The following NCAPD3 variants were observed in gnomAD, a reference collection of about 807,000 sequenced individuals.
NCAPD3 encodes the protein non-SMC condensin II complex subunit D3.
NCAPD3 carries 105 observed loss-of-function variants against 182.9 expected under a neutral mutation model. The observed-to-expected ratio is 0.57, with a 90% CI of 0.49 to 0.68. NCAPD3 has a LOEUF of 0.68. Among genes scored for constraint, NCAPD3 ranks in the 30% least tolerant of loss-of-function variants. The pLI is 0.00. For missense variants in NCAPD3, 1,944 were observed against 1,837.0 expected (o/e 1.06, Z -1.07); for synonymous variants, 815 against 679.9 (o/e 1.20, Z -3.09).
chr11:134,158,818 C>T (rs1943501656), intron 29 of NCAPD3, among the ~76,000 whole-genome samples: 4 of 152,262 alleles, frequency 2.6e-5, no homozygotes, highest in South Asian at 2.1e-4. Context: ...TCTCTTCATC[C>T]CCCTTCTCCC....
intron 29 of NCAPD3, among the ~76,000 whole-genome samples, chr11:134,159,313 C>T (rs530496250): frequency 1.3e-5 from 2 of 152,292 alleles, no homozygotes; most frequent in Admixed American, 6.5e-5. Flanking sequence ...CATTTTAACA[C>T]TTTATTGGAA....
chr11:134,183,224 T>C (rs541249971), intron 19 of NCAPD3: 2 of 453,340 alleles, frequency 4.4e-6, no homozygotes, highest in Admixed American at 2.4e-5. Flanking sequence ...TAGTAAGTTG[T>C]GTACCACTGA....
chr11:134,208,029 T>C (rs554621310), intron 7 of NCAPD3, among the ~76,000 whole-genome samples: 7 of 152,286 alleles, frequency 4.6e-5, no homozygotes, highest in Non-Finnish European at 8.8e-5. Context: ...CTTTGGTCCT[T>C]TTTGTCCATA....
rs370416114 is a variant in NCAPD3, at chr11:134,157,033, T to C, written c.4237A>G (p.Ile1413Val). The C allele has an allele frequency of 1.2e-5, 20 of 1,613,302 alleles. No individual in the cohort carries two copies. The Admixed American group carries it at 1.3e-4, about 11-fold the overall frequency. ...AGTTACTCACTCTCGGGGGTGCTGA[T>C]GGCCCGCTTGGTCACGTGCTCAATC... ...GEIEHVTKRA[I>V]STPEKSISDV... The change falls in exon 32 of 35, where the codon ATC (isoleucine) becomes GTC (valine). Residue 1413 changes from isoleucine to valine, a missense_variant. Transcript: ENST00000534548.
chr11:134,171,477 G>A (rs1591832981), intron 24 of NCAPD3, among the ~76,000 whole-genome samples: 1 of 152,298 alleles, frequency 6.6e-6, no homozygotes. Context: ...GAAACAGGGT[G>A]TCTGCTCAAT....
chr11:134,160,120 A>T (rs562408871), intron 28 of NCAPD3, 46 bp from the exon 29 acceptor site: 1 of 1,596,886 alleles, frequency 6.3e-7, no homozygotes, highest in Admixed American at 1.7e-5. Flanking sequence ...TTGAATAAAA[A>T]CGTAAAGCCC....
At position 134,218,194 on chromosome 11, in the gene NCAPD3, C is replaced by T. The variant is rs188362461; in HGVS notation, c.220-1096G>A. On this transcript the variant is annotated intron_variant, in intron 2 of 34. Coordinates refer to ENST00000534548, the MANE Select transcript of NCAPD3 (RefSeq NM_015261.3). ...GCCACCTGCACCTCCACTTCACACA[C>T]GAGGGTGATCGATCACCCTAAACCA... 4.2e-3 allele frequency among the ~76,000 whole-genome samples: 632 copies of T among 151,482 alleles called. 4 individuals are homozygous for T. The highest frequency in any genetic ancestry group is 0.014 in the African/African-American group (597 of 41,258).
At chr11:134,166,764 AGATGAGCTTGGGGGAGGCGCACACTCG>A in intron 27 of NCAPD3, among the ~76,000 whole-genome samples, 1 of 118,604 alleles carries the variant, frequency 8.4e-6, no homozygotes, top group African/African-American at 3.5e-5. Context: ...CACACTCGTG[AGATGAGCTTGGGGGAGGCGCACACTCG>A]TGAGAGGAGC....
chr11:134,154,719 G>A (rs192681531), intron 32 of NCAPD3, among the ~76,000 whole-genome samples: 1 of 152,316 alleles, frequency 6.6e-6, no homozygotes, highest in African/African-American at 2.4e-5. Context: ...CACTGAACCT[G>A]CTGCCCTTCT....
At chr11:134,207,845 T>C (rs569796550) in intron 7 of NCAPD3, among the ~76,000 whole-genome samples, 1 of 151,510 alleles carries the variant, frequency 6.6e-6, no homozygotes, top group East Asian at 1.9e-4. Flanking sequence ...TAAAAGGGCA[T>C]GCGAATTAAA....
rs1213319667 is a variant in NCAPD3 at position 134,203,649 on chromosome 11, C to T, written c.1468+5G>A. ...GTTTACTGTCCCAATAGTCGCCATA[C>T]TCACTGTTAATCAGGAGCTCCAGGA... On this transcript the variant is annotated splice_donor_5th_base_variant and intron_variant, in intron 11 of 34. Transcript: ENST00000534548. 1 of 1,610,584 alleles carries T rather than the reference C, an allele frequency of 6.2e-7. No homozygotes were observed. Among genetic ancestry groups the T allele is most frequent in the African/African-American group, 1.3e-5 (1 of 74,894 alleles).
intron 13 of NCAPD3, among the ~76,000 whole-genome samples, chr11:134,199,427 C>A (rs1251239710): frequency 6.6e-6 from 1 of 152,192 alleles, no homozygotes; most frequent in East Asian, 1.9e-4. Context: ...GTTTTCCTCC[C>A]ACATACAGGC....
intron 15 of NCAPD3, among the ~76,000 whole-genome samples, chr11:134,193,756 AAAT>A (rs1246565500): frequency 3.9e-5 from 6 of 152,168 alleles, no homozygotes; most frequent in Non-Finnish European, 8.8e-5. Flanking sequence ...TCTGTCTCAA[AAAT>A]AATAATAATA....
At chr11:134,225,178 C>G (rs886849125), upstream of NCAPD3, 5 of 1,614,090 alleles carry the variant, frequency 3.1e-6, no homozygotes, top group Non-Finnish European at 4.2e-6. Context: ...CTGAACGATG[C>G]AGAGAGTAGG....
chr11:134,179,425 G>A (rs768557402), intron 20 of NCAPD3, among the ~76,000 whole-genome samples: 1 of 152,312 alleles, frequency 6.6e-6, no homozygotes, highest in Middle Eastern at 3.4e-3. Context: ...ATGTCAATAT[G>A]TATGACACAT....
rs1565561675 is a variant in NCAPD3, at chr11:134,220,751, G to GT, written c.65-26dup. 3.8e-6 allele frequency: 6 copies of GT among 1,595,520 alleles called. No homozygotes were observed. In the South Asian group the frequency reaches 5.6e-5, roughly 15 times the overall value. ...TCTAGGGGAAAATGCAATGAAATGT[G>GT]TAAGTACTCTGTAACAAGTAAAAAA... On this transcript the variant is annotated intron_variant, in intron 1 of 34. Transcript: ENST00000534548.
intron 32 of NCAPD3, among the ~76,000 whole-genome samples, chr11:134,156,472 G>A (rs890477913): frequency 8.5e-5 from 13 of 152,140 alleles, no homozygotes; most frequent in Non-Finnish European, 1.8e-4. Context: ...CAAGATAATA[G>A]GAAAAGAATA....
intron 7 of NCAPD3, among the ~76,000 whole-genome samples, chr11:134,208,429 TACC>T (rs1246351120): frequency 3.9e-5 from 6 of 152,258 alleles, no homozygotes; most frequent in African/African-American, 1.4e-4. Context: ...ATAATACAAC[TACC>T]AATAGAAATA....
At chr11:134,167,904 G>T in intron 27 of NCAPD3, 92 bp downstream of exon 27, 1 of 1,130,900 alleles carries the variant, frequency 8.8e-7, no homozygotes, top group Non-Finnish European at 1.3e-6. Flanking sequence ...CTTGTGAGAT[G>T]AGCTTGGGGG....
Sources: gnomAD v4.1 joint callset for allele counts (sites outside exome capture counted in the v4.1 genomes callset) on GRCh38, gnomAD v4.1.1 for gene constraint, MANE v1.5 for transcripts, NCBI Gene and HGNC (gene_info 2026-07-23, HGNC 2026-07-21) for gene names.